The following CHID1 variants were observed in gnomAD, a reference collection of about 807,000 sequenced individuals.
CHID1 encodes the protein chitinase domain containing 1.
In CHID1, 44 loss-of-function variants were observed where a neutral mutation model predicts 55.4. The ratio of observed to expected loss-of-function variants is 0.79; its 90% CI spans 0.62 to 1.02. The LOEUF is 1.02. Ranked by LOEUF, CHID1 falls within the 50% of genes least tolerant of loss-of-function variation. The pLI is 0.00. For missense variants in CHID1, 491 were observed against 515.3 expected (o/e 0.95, Z 0.46); for synonymous variants, 216 against 212.9 (o/e 1.01, Z -0.13).
chr11:905,623 T>G lies in CHID1; in HGVS notation c.-43-764A>C, dbSNP rs1265015605. On this transcript the variant is annotated intron_variant, in intron 1 of 12. Transcript: ENST00000323578. ...AGGCAGAGGTTGCAGTGAGCCAAGA[T>G]CATGCCACTGCACTCCAGCCTGGGG... Among the ~76,000 whole-genome samples the G allele has an allele frequency of 2.0e-5, 3 of 150,784 alleles. No individual in the cohort carries two copies. The East Asian group carries it at 5.9e-4, about 29-fold the overall frequency.
upstream of CHID1, chr11:914,876 G>T: frequency 3.1e-6 from 1 of 317,956 alleles, no homozygotes; most frequent in Non-Finnish European, 6.2e-6. Context: ...AGTCAGCACA[G>T]GCAGGGCCCT....
intron 10 of CHID1, 29 bp from the exon 11 acceptor site, chr11:870,528 G>A (rs1202562569): frequency 2.6e-6 from 4 of 1,518,188 alleles, no homozygotes; most frequent in Non-Finnish European, 3.6e-6. Context: ...GGATTTGGGA[G>A]CCCACCCAGC....
At chr11:898,438 G>C (rs1293521049) in intron 7 of CHID1, among the ~76,000 whole-genome samples, 1 of 152,232 alleles carries the variant, frequency 6.6e-6, no homozygotes. Flanking sequence ...CTGCTGTCCA[G>C]GCACCCGCGG....
At chr11:883,328 T>A in intron 9 of CHID1, 25 bp from the exon 10 acceptor site, 1 of 1,595,872 alleles carries the variant, frequency 6.3e-7, no homozygotes, top group Non-Finnish European at 8.6e-7. Flanking sequence ...GTGAGCGAGT[T>A]TCAGCAACAG....
intron 5 of CHID1, 79 bp from the exon 6 acceptor site, chr11:900,189 G>A: frequency 8.6e-7 from 1 of 1,158,598 alleles, no homozygotes. Flanking sequence ...CCTCAAAAAG[G>A]CATCCCCTTG....
rs991515378 is a variant in CHID1 at position 886,954 on chromosome 11, G to A, written c.702-2785C>T. ...TGGCCTGCCCATCAGCTCCATGCAC[G>A]CATCCACTGTGGCCTCTCGTGGTTC... On this transcript the variant is annotated intron_variant, in intron 8 of 12. Coordinates refer to ENST00000323578, the MANE Select transcript of CHID1 (RefSeq NM_023947.4). Among the ~76,000 whole-genome samples the A allele has an allele frequency of 2.6e-5, 4 of 152,324 alleles. No homozygotes were observed. In the South Asian group the frequency reaches 6.2e-4, roughly 24 times the overall value.
At chr11:901,454 C>A (rs1402695163) in intron 4 of CHID1, among the ~76,000 whole-genome samples, 1 of 152,238 alleles carries the variant, frequency 6.6e-6, no homozygotes, top group East Asian at 1.9e-4. Context: ...CCTGCCATTT[C>A]TCTCTGTCCG....
intron 10 of CHID1, among the ~76,000 whole-genome samples, chr11:874,264 C>A (rs2134118018): frequency 6.6e-6 from 1 of 152,278 alleles, no homozygotes; most frequent in East Asian, 1.9e-4. Flanking sequence ...GAGTTCGAGA[C>A]CAGCCTGGCC....
intron 8 of CHID1, among the ~76,000 whole-genome samples, chr11:887,104 G>A (rs1383862278): frequency 7.2e-5 from 11 of 152,114 alleles, no homozygotes; most frequent in African/African-American, 9.7e-5. Flanking sequence ...CACAATCTCG[G>A]CTCACTACAG....
At chr11:895,991 C>T (rs560140968) in intron 7 of CHID1, among the ~76,000 whole-genome samples, 37 of 152,124 alleles carry the variant, frequency 2.4e-4, no homozygotes, top group African/African-American at 7.7e-4. Flanking sequence ...GTGGCCACTC[C>T]GGCTCAGCAA....
At chr11:886,972 C>T (rs1000118894) in intron 8 of CHID1, among the ~76,000 whole-genome samples, 8 of 152,188 alleles carry the variant, frequency 5.3e-5, no homozygotes, top group African/African-American at 1.2e-4. Flanking sequence ...TGTGGCCTCT[C>T]GTGGTTCAGA....
Position 902,258 on chromosome 11 carries a change from G to A in CHID1, c.334C>T (p.Gln112Ter). The A allele has an allele frequency of 1.9e-6, 3 of 1,614,056 alleles. No individual in the cohort carries two copies. The highest frequency in any genetic ancestry group is 2.5e-6 in the Non-Finnish European group (3 of 1,180,008). ...KFTQISPVWL[Q>*]LKRRGREMFE... Reference sequence around the variant, plus strand: ...ATCTCACGGCCACGTCTCTTCAGCTGCAGCCAGACGGGTGAGATCTGTGTG... The same window carrying A: ...ATCTCACGGCCACGTCTCTTCAGCTACAGCCAGACGGGTGAGATCTGTGTG... Residue 112 changes from glutamine to a stop codon, truncating the protein, a stop_gained, in exon 4 of 13, where the codon CAG becomes TAG. Coordinates refer to ENST00000323578, the MANE Select transcript of CHID1 (RefSeq NM_023947.4). LOFTEE classifies it high-confidence loss of function.
In CHID1 at chr11:875,329, T is replaced by C. The variant is rs919622775; in HGVS notation, c.960-4830A>G. 7.2e-5 allele frequency among the ~76,000 whole-genome samples: 11 copies of C among 152,216 alleles called. No homozygotes were observed. The highest frequency in any genetic ancestry group is 5.2e-4 in the Admixed American group (8 of 15,284). On this transcript the variant is annotated intron_variant, in intron 10 of 12. Coordinates refer to ENST00000323578, the MANE Select transcript of CHID1 (RefSeq NM_023947.4). The surrounding 1 kb of genome is among the most constrained non-coding windows in gnomAD (Gnocchi z 4.7). ...CTGTCTGAAATGTGGGATCCAGCCA[T>C]GTCCTGACCGGAGGCCCTGAGGTTC...
intron 10 of CHID1, 118 bp downstream of exon 10, chr11:883,030 C>T: frequency 1.7e-6 from 2 of 1,159,894 alleles, no homozygotes; most frequent in Non-Finnish European, 2.4e-6. Context: ...CTATCTCTGA[C>T]TCTGTGGGGC....
chr11:901,101 G>A, intron 4 of CHID1, 121 bp from the exon 5 acceptor site: 1 of 881,174 alleles, frequency 1.1e-6, no homozygotes. Context: ...GGGGCGGGCA[G>A]GCAGGTGTGA....
chr11:911,683 T>G (rs760781550), upstream of CHID1, among the ~76,000 whole-genome samples: 4 of 152,182 alleles, frequency 2.6e-5, no homozygotes, highest in Non-Finnish European at 5.9e-5. Flanking sequence ...CGTTTCCTTC[T>G]TTCCCTTCCC....
chr11:871,328 G>A (rs953136981), intron 10 of CHID1, among the ~76,000 whole-genome samples: 124 of 152,164 alleles, frequency 8.1e-4, no homozygotes, highest in African/African-American at 2.9e-3. Flanking sequence ...CCTCAGTCTT[G>A]AACAATGACC....
At chr11:876,580 C>T (rs1332950673) in intron 10 of CHID1, among the ~76,000 whole-genome samples, 1 of 152,206 alleles carries the variant, frequency 6.6e-6, no homozygotes, top group South Asian at 2.1e-4. Flanking sequence ...GCATCACACT[C>T]CCAGCAGCAG....
intron 7 of CHID1, among the ~76,000 whole-genome samples, chr11:894,941 G>T (rs113233007): frequency 6.6e-6 from 1 of 152,198 alleles, no homozygotes; most frequent in African/African-American, 2.4e-5. Context: ...ACATCATCTG[G>T]TGTTAGTTCT....
Sources: allele counts gnomAD v4.1 joint callset (sites outside exome capture counted in the v4.1 genomes callset), GRCh38; gene constraint gnomAD v4.1.1; non-coding constraint Gnocchi (gnomAD v3.1); transcripts MANE v1.5; gene names NCBI Gene and HGNC (gene_info 2026-07-23, HGNC 2026-07-21).